Variants in CNTN4 observed in about 807,000 individuals in gnomAD.
CNTN4 encodes the protein contactin-4.
CNTN4 carries 77 observed loss-of-function variants against 122.5 expected under a neutral mutation model. That is an observed-to-expected ratio of 0.63 (90% CI 0.52 to 0.76). The LOEUF is 0.76. Ranked by LOEUF, CNTN4 falls within the 30% of genes least tolerant of loss-of-function variation. The probability of loss-of-function intolerance (pLI) is 0.00; values close to 1 mark genes in which losing one functional copy is unlikely to be tolerated. For missense variants in CNTN4, 1,256 were observed against 1,259.1 expected (o/e 1.00, Z 0.04); for synonymous variants, 512 against 447.0 (o/e 1.15, Z -1.83).
chr3:2,565,266 T>G (rs1209041818), intron 3 of CNTN4, among the ~76,000 whole-genome samples: 2 of 152,164 alleles, frequency 1.3e-5, no homozygotes, highest in East Asian at 3.9e-4. Flanking sequence ...TTTCAGATGC[T>G]TGGGACAAAT....
chr3:2,238,681 C>T (rs992886475), intron 2 of CNTN4: 3 of 150,286 alleles, frequency 2.0e-5, no homozygotes, highest in Non-Finnish European at 4.4e-5. Flanking sequence ...ACCTAACTTA[C>T]TCCTGTAAAA....
At chr3:2,198,224 T>G (rs1163940037) in intron 2 of CNTN4, among the ~76,000 whole-genome samples, 1 of 152,216 alleles carries the variant, frequency 6.6e-6, no homozygotes, top group Non-Finnish European at 1.5e-5. Flanking sequence ...AGTTTCAGTC[T>G]TTTCCTATTA....
intron 3 of CNTN4, among the ~76,000 whole-genome samples, chr3:2,402,476 T>G (rs1386575738): frequency 6.6e-6 from 1 of 152,158 alleles, no homozygotes; most frequent in African/African-American, 2.4e-5. Flanking sequence ...GAAACAAACA[T>G]ACAATGTGTA....
chr3:2,681,050 C>G (rs2085136941), intron 4 of CNTN4, among the ~76,000 whole-genome samples: 1 of 152,162 alleles, frequency 6.6e-6, no homozygotes, highest in African/African-American at 2.4e-5. Context: ...GAAAATGAGT[C>G]TTGAGTTTTA....
chr3:2,922,563 C>T (rs1369713693), intron 12 of CNTN4, among the ~76,000 whole-genome samples: 1 of 150,234 alleles, frequency 6.7e-6, no homozygotes, highest in African/African-American at 2.4e-5. Context: ...TAGATAACTT[C>T]AGAAGCTAAT....
chr3:2,206,642 A>G (rs919763465), intron 2 of CNTN4, among the ~76,000 whole-genome samples: 4 of 152,082 alleles, frequency 2.6e-5, no homozygotes, highest in Admixed American at 2.0e-4. Context: ...TATGGCCCCT[A>G]TACAAGTTGA....
chr3:2,263,830 C>CTCTATTCCTCCAAAGGAATAAATTACATT (rs774437058), intron 2 of CNTN4, among the ~76,000 whole-genome samples: 17 of 129,562 alleles, frequency 1.3e-4, no homozygotes, highest in Non-Finnish European at 2.0e-4. Context: ...CTCTCTATCT[C>CTCTATTCCTCCAAAGGAATAAATTACATT]CCTGAAATCT....
Position 3,040,237 on chromosome 3 carries a change from C to G in CNTN4, c.2364C>G (p.Phe788Leu). The change falls in exon 20 of 25, where the codon TTC becomes TTG. Residue 788 changes from phenylalanine (F) to leucine (L), a missense_variant. Physicochemically the swap from Phe to Leu is conservative, Grantham distance 22. Transcript: ENST00000418658. The stretch of plus-strand genomic sequence containing the variant: ...TCAACAACAAAGGAGAAGGCCCTTT[C>G]AGTCCCACCACGGTGGTGTATTCTG... The part of the protein sequence containing the change: ...GVFNNKGEGP[F>L]SPTTVVYSAE... 6 of 1,614,122 alleles carry G rather than the reference C, an allele frequency of 3.7e-6. No homozygotes were observed. The highest frequency in any genetic ancestry group is 5.1e-6 in the Non-Finnish European group (6 of 1,179,926).
chr3:2,285,835 T>C (rs2041881213), intron 2 of CNTN4, among the ~76,000 whole-genome samples: 1 of 152,186 alleles, frequency 6.6e-6, no homozygotes. Context: ...CTTGGTTTTA[T>C]AATATGAACA....
chr3:2,601,228 G>T (rs2081030685), intron 4 of CNTN4, among the ~76,000 whole-genome samples: 1 of 152,110 alleles, frequency 6.6e-6, no homozygotes. Flanking sequence ...TGTCTATTTT[G>T]GCTTTTGTTG....
At chr3:2,729,193 G>A (rs1328733762) in intron 4 of CNTN4, among the ~76,000 whole-genome samples, 2 of 152,208 alleles carry the variant, frequency 1.3e-5, no homozygotes, top group Non-Finnish European at 2.9e-5. Context: ...TCATCCCACG[G>A]AGTAGCCGCA....
chr3:2,765,107 T>C (rs766296345), intron 6 of CNTN4, among the ~76,000 whole-genome samples: 1 of 152,234 alleles, frequency 6.6e-6, no homozygotes, highest in East Asian at 1.9e-4. Flanking sequence ...ATACCCAGAC[T>C]CAATTTCTAA....
At position 2,474,014 on chromosome 3, in the gene CNTN4, CA is replaced by C. The variant is rs34237926; in HGVS notation, c.-88-97388del. On this transcript the variant is annotated intron_variant, in intron 3 of 24. Transcript: ENST00000418658. The stretch of plus-strand genomic sequence containing the variant: ...GGGCGACAAAAGCAAAACTCGGTCT[CA>C]AAAAAAAAAAAAATATTGCCAAGTC... 5.6e-3 allele frequency among the ~76,000 whole-genome samples: 802 copies of C among 142,056 alleles called. 4 individuals carry two copies. The highest frequency in any genetic ancestry group is 0.014 in the African/African-American group (528 of 38,408). The allele number at this position is 142,056 out of a possible 152,430, so 93.2% of individuals were successfully genotyped here. A position where few individuals can be genotyped will look rare whatever the true frequency, so the allele number is the denominator to read the frequency against.
intron 2 of CNTN4, among the ~76,000 whole-genome samples, chr3:2,262,146 A>T (rs1044242540): frequency 1.3e-5 from 2 of 152,120 alleles, no homozygotes; most frequent in African/African-American, 2.4e-5. Flanking sequence ...CTTTCCATTT[A>T]TGGAAAACTC....
intron 3 of CNTN4, among the ~76,000 whole-genome samples, chr3:2,353,115 G>A (rs1490720743): frequency 6.6e-6 from 1 of 152,128 alleles, no homozygotes; most frequent in Non-Finnish European, 1.5e-5. Context: ...CCGGAGGATT[G>A]TATATGTACC....
chr3:2,527,815 C>T (rs190190483), intron 3 of CNTN4, among the ~76,000 whole-genome samples: 99 of 152,208 alleles, frequency 6.5e-4, no homozygotes, highest in African/African-American at 5.8e-4. Flanking sequence ...TTATTGGTAG[C>T]CCTTATGACA....
chr3:2,280,191 C>A (rs1052079569), intron 2 of CNTN4, among the ~76,000 whole-genome samples: 2 of 152,052 alleles, frequency 1.3e-5, no homozygotes, highest in African/African-American at 4.8e-5. Context: ...AACTCGTGGG[C>A]TCAAGTGATT....
At chr3:2,125,927 GTA>G (rs1491283625) in intron 2 of CNTN4, among the ~76,000 whole-genome samples, 4 of 135,202 alleles carry the variant, frequency 3.0e-5, no homozygotes, top group Admixed American at 8.0e-5. Flanking sequence ...GTGTGTGTGT[GTA>G]TGTGTGTATG....
chr3:2,208,681 G>A (rs929189896), intron 2 of CNTN4, among the ~76,000 whole-genome samples: 12 of 152,090 alleles, frequency 7.9e-5, no homozygotes, highest in Admixed American at 3.3e-4. Flanking sequence ...TCGAAAGGAA[G>A]GGTCTATCTA....
Sources: gnomAD v4.1 joint callset for allele counts (sites outside exome capture counted in the v4.1 genomes callset) on GRCh38, gnomAD v4.1.1 for gene constraint, MANE v1.5 for transcripts, NCBI Gene and HGNC (gene_info 2026-07-23, HGNC 2026-07-21) for gene names.